The following MACROD2 variants were observed in gnomAD, a reference collection of about 807,000 sequenced individuals.
MACROD2 encodes mono-ADP ribosylhydrolase 2.
A neutral mutation model predicts 70.4 loss-of-function variants in MACROD2; 36 were observed. The observed-to-expected ratio is 0.51, with a 90% CI of 0.39 to 0.68. MACROD2 has a LOEUF of 0.68. Ranked by LOEUF, MACROD2 falls within the 30% of genes least tolerant of loss-of-function variation. MACROD2 has a pLI of 0.00. For missense variants in MACROD2, 496 were observed against 538.4 expected (o/e 0.92, Z 0.78); for synonymous variants, 172 against 178.8 (o/e 0.96, Z 0.30).
At chr20:15,925,464 G>A (rs1023972574) in intron 10 of MACROD2, among the ~76,000 whole-genome samples, 2 of 152,182 alleles carry the variant, frequency 1.3e-5, no homozygotes, top group African/African-American at 4.8e-5. Flanking sequence ...TGCCATATGG[G>A]AGAACCGTAT....
chr20:14,478,268 C>T (rs556908277), intron 3 of MACROD2, among the ~76,000 whole-genome samples: 2 of 152,218 alleles, frequency 1.3e-5, no homozygotes, highest in South Asian at 2.1e-4. Context: ...AGTATCAGCA[C>T]TGGGCAGAGG....
rs758428515 is a variant in MACROD2, at chr20:14,249,253, A to G, written c.271+163525A>G. Among the ~76,000 whole-genome samples the G allele has an allele frequency of 1.0e-4, 15 of 149,390 alleles. No homozygotes were observed. The East Asian group carries it at 1.8e-3, about 18-fold the overall frequency. Reference sequence around the variant, plus strand: ...TGATGCAGTCCCCTGAAATCATTCTACCACCCTCAATTGTGGCAGGAAATA... The same window carrying G: ...TGATGCAGTCCCCTGAAATCATTCTGCCACCCTCAATTGTGGCAGGAAATA... On this transcript the variant is annotated intron_variant, in intron 3 of 17. Coordinates refer to ENST00000684519, the MANE Select transcript of MACROD2 (RefSeq NM_001351661.2).
At chr20:15,657,141 A>G (rs1276943312) in intron 8 of MACROD2, among the ~76,000 whole-genome samples, 1 of 152,208 alleles carries the variant, frequency 6.6e-6, no homozygotes, top group Non-Finnish European at 1.5e-5. Context: ...ATGAATGAAT[A>G]TGCCTGAATG....
intron 5 of MACROD2, among the ~76,000 whole-genome samples, chr20:15,024,331 G>A (rs2075213224): frequency 6.6e-6 from 1 of 151,986 alleles, no homozygotes; most frequent in Non-Finnish European, 1.5e-5. Flanking sequence ...TTAAAATCAT[G>A]AATTTTAACA....
intron 8 of MACROD2, among the ~76,000 whole-genome samples, chr20:15,610,125 CTCA>C (rs2048946482): frequency 6.6e-6 from 1 of 152,306 alleles, no homozygotes; most frequent in South Asian, 2.1e-4. Flanking sequence ...TGCTCCCTAG[CTCA>C]TATATCAAAC....
chr20:15,735,070 C>T (rs1194965013), intron 8 of MACROD2, among the ~76,000 whole-genome samples: 1 of 152,108 alleles, frequency 6.6e-6, no homozygotes, highest in Non-Finnish European at 1.5e-5. Flanking sequence ...AGGTGATGCT[C>T]CTGCCTCAGC....
chr20:15,919,691 C>T (rs369976710), intron 10 of MACROD2, among the ~76,000 whole-genome samples: 105 of 152,082 alleles, frequency 6.9e-4, no homozygotes, highest in Middle Eastern at 3.4e-3. Context: ...GCTGAGATCG[C>T]GCCACTGGAC....
intron 5 of MACROD2, among the ~76,000 whole-genome samples, chr20:14,861,428 A>G (rs2073315443): frequency 6.6e-6 from 1 of 152,122 alleles, no homozygotes; most frequent in African/African-American, 2.4e-5. Flanking sequence ...AGTCATAGAA[A>G]GACACAGTCA....
chr20:15,808,408 AAGGCCAGCTACTT>A (rs1227266059), intron 8 of MACROD2, among the ~76,000 whole-genome samples: 2 of 152,222 alleles, frequency 1.3e-5, no homozygotes, highest in Non-Finnish European at 2.9e-5. Context: ...TATAATTAAT[AAGGCCAGCTACTT>A]AGAAATGTTA....
At chr20:14,256,487 G>T (rs1167758694) in intron 3 of MACROD2, among the ~76,000 whole-genome samples, 1 of 152,024 alleles carries the variant, frequency 6.6e-6, no homozygotes, top group African/African-American at 2.4e-5. Flanking sequence ...AAATGTTGAG[G>T]CTCTGAAACA....
At chr20:14,014,158 A>G (rs995285558) in intron 2 of MACROD2, among the ~76,000 whole-genome samples, 2 of 152,176 alleles carry the variant, frequency 1.3e-5, no homozygotes, top group Non-Finnish European at 2.9e-5. Flanking sequence ...GTCAGCGTGA[A>G]CAGATATTTT....
chr20:15,347,504 A>T (rs547409369), intron 6 of MACROD2, among the ~76,000 whole-genome samples: 2 of 152,274 alleles, frequency 1.3e-5, no homozygotes, highest in African/African-American at 4.8e-5. Flanking sequence ...GAAAATGTAA[A>T]TCAAACCACT....
intron 3 of MACROD2, among the ~76,000 whole-genome samples, chr20:14,252,742 C>G (rs2082023071): frequency 6.6e-6 from 1 of 151,962 alleles, no homozygotes; most frequent in African/African-American, 2.4e-5. Flanking sequence ...TAACAAATTT[C>G]CTCTCACCCA....
chr20:14,002,445 AT>A, intron 2 of MACROD2, 41 bp downstream of exon 2: 3 of 1,247,792 alleles, frequency 2.4e-6, no homozygotes, highest in East Asian at 2.3e-5. Context: ...TATTTTTCCC[AT>A]TTTAGGACAA....
chr20:15,136,765 A>G (rs978279520), intron 5 of MACROD2, among the ~76,000 whole-genome samples: 27 of 152,234 alleles, frequency 1.8e-4, no homozygotes, highest in African/African-American at 5.5e-4. Flanking sequence ...TACCGTCAGA[A>G]TGAACAGGCA....
At chr20:14,870,250 C>T (rs1175035982) in intron 5 of MACROD2, among the ~76,000 whole-genome samples, 1 of 152,168 alleles carries the variant, frequency 6.6e-6, no homozygotes, top group African/African-American at 2.4e-5. Context: ...TGGCCTCCAG[C>T]TCCATCCATG....
intron 3 of MACROD2, among the ~76,000 whole-genome samples, 188 bp from the exon 4 acceptor site, chr20:14,493,291 A>G (rs2084814916): frequency 6.6e-6 from 1 of 152,036 alleles, no homozygotes; most frequent in African/African-American, 2.4e-5. Flanking sequence ...AAAAGTAGTG[A>G]AATATTTTAA....
At chr20:14,718,604 A>G (rs1296739091) in intron 5 of MACROD2, among the ~76,000 whole-genome samples, 3 of 152,142 alleles carry the variant, frequency 2.0e-5, no homozygotes, top group African/African-American at 7.2e-5. Context: ...CTGAGTTCCT[A>G]TTGAACACAG....
chr20:14,736,546 A>C (rs1247153575), intron 5 of MACROD2, among the ~76,000 whole-genome samples: 1 of 152,206 alleles, frequency 6.6e-6, no homozygotes, highest in African/African-American at 2.4e-5. Context: ...AACATCCTTC[A>C]TGTATTTACA....
Sources: gnomAD v4.1 joint callset for allele counts (sites outside exome capture counted in the v4.1 genomes callset) on GRCh38, gnomAD v4.1.1 for gene constraint, MANE v1.5 for transcripts, NCBI Gene and HGNC (gene_info 2026-07-23, HGNC 2026-07-21) for gene names.